The following SLC30A7 variants were observed in gnomAD, a reference collection of about 807,000 sequenced individuals.
SLC30A7 encodes the protein solute carrier family 30 member 7.
Under a neutral mutation model 46.0 loss-of-function variants are expected in SLC30A7, and 35 were observed. That is an observed-to-expected ratio of 0.76 (90% CI 0.58 to 1.01). The LOEUF is 1.01. Among genes scored for constraint, SLC30A7 ranks in the 50% least tolerant of loss-of-function variants. The pLI, the probability that SLC30A7 is intolerant of heterozygous loss-of-function variation, is 0.00. For synonymous variants in SLC30A7, 147 were observed against 157.8 expected (o/e 0.93, Z 0.51); for missense variants, 464 against 451.1 (o/e 1.03, Z -0.26).
At chr1:100,995,065 C>A in the SLC30A7 span, 1 of 1,378,002 alleles carries the variant, frequency 7.3e-7, no homozygotes, top group South Asian at 1.2e-5. Context: ...TTGAATTGTT[C>A]AAGGAAATAA....
At chr1:100,930,734 A>G (rs1020655933) in intron 8 of SLC30A7, among the ~76,000 whole-genome samples, 3 of 152,064 alleles carry the variant, frequency 2.0e-5, no homozygotes, top group African/African-American at 4.8e-5. Flanking sequence ...TTGGGGACTA[A>G]GATAAACAGT....
intron 8 of SLC30A7, among the ~76,000 whole-genome samples, chr1:100,953,950 A>T (rs978162812): frequency 6.6e-6 from 1 of 152,198 alleles, no homozygotes; most frequent in African/African-American, 2.4e-5. Context: ...CTTTCTGTTT[A>T]TTAGAGGTTC....
chr1:100,911,743 G>A (rs1286207911), intron 4 of SLC30A7, among the ~76,000 whole-genome samples: 4 of 151,644 alleles, frequency 2.6e-5, no homozygotes, highest in African/African-American at 9.7e-5. Flanking sequence ...GTAGAAACGG[G>A]GTTTCACCAT....
At chr1:100,922,831 T>C (rs2101033943) in intron 8 of SLC30A7, among the ~76,000 whole-genome samples, 1 of 152,250 alleles carries the variant, frequency 6.6e-6, no homozygotes, top group South Asian at 2.1e-4. Context: ...GATAAGACAT[T>C]ATGTTCCATT....
chr1:100,901,342 C>G (rs1651298002), intron 2 of SLC30A7, among the ~76,000 whole-genome samples: 1 of 152,150 alleles, frequency 6.6e-6, no homozygotes, highest in Non-Finnish European at 1.5e-5. Context: ...CTCCAATAGA[C>G]CCTAAATAAA....
At position 100,981,652 on chromosome 1, in the gene SLC30A7, C is replaced by T. The variant is rs1656938254; in HGVS notation, c.*6795C>T. 1 of 152,156 alleles carries T rather than the reference C, an allele frequency of 6.6e-6. No homozygotes were observed. The highest frequency in any genetic ancestry group is 2.4e-5 in the African/African-American group (1 of 41,442). 9.4% of individuals were successfully genotyped at this position (152,156 alleles called of 1,614,324 possible). A position where few individuals can be genotyped will look rare whatever the true frequency, so the allele number is the denominator to read the frequency against. On this transcript the variant is annotated 3_prime_UTR_variant, in exon 11 of 11. Coordinates refer to ENST00000357650, the MANE Select transcript of SLC30A7 (RefSeq NM_133496.5). Reference sequence around the variant, plus strand: ...TATAATGTATATTTCACATTTTCTACTTGAACACATTCATGTATATATTTT... The same window carrying T: ...TATAATGTATATTTCACATTTTCTATTTGAACACATTCATGTATATATTTT...
chr1:100,912,389 C>T lies in SLC30A7; in HGVS notation c.511+151C>T, dbSNP rs565281806. 3.0e-4 allele frequency: 258 copies of T among 869,860 alleles called. 3 individuals carry two copies. In the South Asian group the frequency reaches 4.5e-3, roughly 15 times the overall value. The allele number at this position is 869,860 out of a possible 1,614,324, so 53.9% of individuals were successfully genotyped here. A position where few individuals can be genotyped will look rare whatever the true frequency, so the allele number is the denominator to read the frequency against. ...GAACTATCCCTTTCACTTCTTTATG[C>T]CCCTCCATCTCAGTGCCTTCTCAGA... On this transcript the variant is annotated intron_variant, in intron 5 of 10. Transcript: ENST00000357650.
chr1:100,990,537 C>A, the SLC30A7 span: 1 of 1,614,108 alleles, frequency 6.2e-7, no homozygotes, highest in Non-Finnish European at 8.5e-7. Context: ...CTCCCAAGTC[C>A]ACAGTGCACA....
chr1:100,938,512 A>T (rs1194880902), intron 8 of SLC30A7, among the ~76,000 whole-genome samples: 1 of 152,150 alleles, frequency 6.6e-6, no homozygotes, highest in African/African-American at 2.4e-5. Context: ...CATTGCCACA[A>T]TTTTTCCAGC....
chr1:100,924,744 CTCAGAGAA>C (rs1208821878), intron 8 of SLC30A7, among the ~76,000 whole-genome samples: 1 of 149,820 alleles, frequency 6.7e-6, no homozygotes, highest in Non-Finnish European at 1.5e-5. Flanking sequence ...TTTTTTCAAC[CTCAGAGAA>C]TTACTTTAAT....
chr1:100,896,723 A>AG, intron 2 of SLC30A7, 52 bp downstream of exon 2: 1 of 1,502,300 alleles, frequency 6.7e-7, no homozygotes, highest in East Asian at 2.3e-5. Flanking sequence ...AGGGAGACGA[A>AG]GCACTGTTTG....
At chr1:100,938,788 G>T (rs548542365) in intron 8 of SLC30A7, among the ~76,000 whole-genome samples, 6 of 152,194 alleles carry the variant, frequency 3.9e-5, no homozygotes, top group Non-Finnish European at 7.4e-5. Context: ...CAGTCTATCT[G>T]TTAAGGGCTT....
intron 2 of SLC30A7, among the ~76,000 whole-genome samples, chr1:100,903,669 GT>G (rs1651455134): frequency 6.6e-6 from 1 of 152,072 alleles, no homozygotes; most frequent in Non-Finnish European, 1.5e-5. Context: ...CATGATAAAA[GT>G]TTAAGACATT....
chr1:100,971,951 A>G (rs1656186638), intron 10 of SLC30A7, among the ~76,000 whole-genome samples: 1 of 152,168 alleles, frequency 6.6e-6, no homozygotes, highest in Non-Finnish European at 1.5e-5. Context: ...CACCAGGTTA[A>G]CATTTATTTT....
At position 100,896,612 on chromosome 1, in the gene SLC30A7, C is replaced by G; in HGVS notation, c.123C>G (p.Phe41Leu). 1.2e-6 allele frequency: 2 copies of G among 1,614,172 alleles called. No homozygotes were observed. The highest frequency in any genetic ancestry group is 1.7e-5 in the Admixed American group (1 of 60,026). Residue 41 changes from phenylalanine (F) to leucine (L), a missense_variant, in exon 2 of 11, where the codon TTC (phenylalanine) becomes TTG (leucine). Coordinates refer to ENST00000357650, the MANE Select transcript of SLC30A7 (RefSeq NM_133496.5). ...SDKTSRNLFF[F>L]LCLNLSFAFV... ...AGACTTCCCGGAACCTGTTTTTCTT[C>G]CTGTGCCTGAACCTCTCTTTCGCTT...
rs1358672046 is a variant in SLC30A7 at position 100,911,149 on chromosome 1, AG to A, written c.384+1del. The A allele has an allele frequency of 6.3e-7, 1 of 1,585,216 alleles. No homozygotes were observed. Among genetic ancestry groups the A allele is most frequent in the Admixed American group, 1.7e-5 (1 of 59,092 alleles). On this transcript the variant is annotated frameshift_variant and splice_region_variant, in exon 4 of 11. Transcript: ENST00000357650. LOFTEE classifies it high-confidence loss of function. ...TAFFIFSEGV[E>X]RALAPPDVHH... Reference sequence around the variant, plus strand: ...TTTTTTATTTTCTCAGAAGGAGTTGAGGTATAGTAGATAATTATTAAAGTCA... The same window carrying A: ...TTTTTTATTTTCTCAGAAGGAGTTGAGTATAGTAGATAATTATTAAAGTCA...
At chr1:100,993,866 G>A in the SLC30A7 span, among the ~76,000 whole-genome samples, 104 of 151,300 alleles carry the variant, frequency 6.9e-4, no homozygotes, top group Admixed American at 9.2e-4. Context: ...TCAGCCTCCC[G>A]AGTAGCTGGG....
intron 3 of SLC30A7, among the ~76,000 whole-genome samples, chr1:100,908,705 A>G (rs1317242850): frequency 6.6e-6 from 1 of 152,122 alleles, no homozygotes; most frequent in Non-Finnish European, 1.5e-5. Context: ...ATTCTTAAGT[A>G]TATTTTAGAT....
At chr1:100,959,281 G>T (rs1017848264) in intron 8 of SLC30A7, among the ~76,000 whole-genome samples, 1 of 152,138 alleles carries the variant, frequency 6.6e-6, no homozygotes, top group East Asian at 1.9e-4. Context: ...TTAGTCTAAC[G>T]TCTCTATAAA....
Sources: allele counts gnomAD v4.1 joint callset (sites outside exome capture counted in the v4.1 genomes callset), GRCh38; gene constraint gnomAD v4.1.1; transcripts MANE v1.5; gene names NCBI Gene and HGNC (gene_info 2026-07-23, HGNC 2026-07-21).